Variants in FBXL17 observed in about 807,000 individuals in gnomAD.
FBXL17 encodes the protein F-box/LRR-repeat protein 17.
In FBXL17, 22 loss-of-function variants were observed where a neutral mutation model predicts 66.2. The observed-to-expected ratio is 0.33, with a 90% confidence interval of 0.24 to 0.47. The LOEUF (loss-of-function observed/expected upper bound fraction) is 0.47, where lower values mean the gene tolerates loss of function less well. FBXL17 is among the 20% of genes least tolerant of loss of function. The pLI, the probability that FBXL17 is intolerant of heterozygous loss-of-function variation, is 1.00. For missense variants in FBXL17, 878 were observed against 948.2 expected, an observed-to-expected ratio of 0.93 and a Z score of 0.97; for synonymous variants, 474 against 400.5, an observed-to-expected ratio of 1.18 and a Z score of -2.19.
intron 7 of FBXL17, among the ~76,000 whole-genome samples, chr5:108,009,300 TAC>T (rs1165360330): frequency 0.017 from 1,068 of 63,170 alleles, 191 homozygotes; most frequent in Non-Finnish European, 0.022. Flanking sequence ...TATATATATA[TAC>T]ATATATACAT....
At chr5:107,996,318 T>C (rs1753468894) in intron 7 of FBXL17, among the ~76,000 whole-genome samples, 1 of 152,144 alleles carries the variant, frequency 6.6e-6, no homozygotes, top group Non-Finnish European at 1.5e-5. Flanking sequence ...CTATTTTTTG[T>C]TTGTTTGTTT....
Position 108,364,021 on chromosome 5 carries a change from A to C in FBXL17, c.1374+717T>G, listed in dbSNP as rs561364316. Among the ~76,000 whole-genome samples, 9 of 152,170 alleles carry C rather than the reference A, an allele frequency of 5.9e-5. No homozygotes were observed. In the South Asian group the frequency reaches 1.9e-3, roughly 32 times the overall value. On this transcript the variant is annotated intron_variant, in intron 3 of 8. Coordinates refer to ENST00000542267, the MANE Select transcript of FBXL17 (RefSeq NM_001163315.3). ...TTTTGCACAATATGCCTTTGCAAAC[A>C]AAATAGGCTCCCTTATAAGTTGGTA...
intron 4 of FBXL17, among the ~76,000 whole-genome samples, chr5:108,276,405 T>C (rs548974546): frequency 6.6e-6 from 1 of 152,306 alleles, no homozygotes; most frequent in East Asian, 1.9e-4. Flanking sequence ...CTAAATTGCC[T>C]GTCAATAAAG....
chr5:108,025,697 A>G (rs916694175), intron 6 of FBXL17, among the ~76,000 whole-genome samples: 1 of 128,206 alleles, frequency 7.8e-6, no homozygotes, highest in African/African-American at 3.9e-5. Flanking sequence ...ACACACACAC[A>G]CACACAAACA....
In FBXL17 at chr5:108,381,442, G is replaced by C; in HGVS notation, c.250C>G (p.Pro84Ala). The C allele has an allele frequency of 3.0e-6, 4 of 1,316,008 alleles. No homozygotes were observed. Among genetic ancestry groups the C allele is most frequent in the Non-Finnish European group, 3.8e-6 (4 of 1,040,314 alleles). The allele number at this position is 1,316,008 out of a possible 1,614,324, so 81.5% of individuals were successfully genotyped here. A position where few individuals can be genotyped will look rare whatever the true frequency, so the allele number is the denominator to read the frequency against. ...AGPEEEPPLSPPPRDGAYAAA... is the reference protein window; with the variant it reads ...AGPEEEPPLSAPPRDGAYAAA... The stretch of plus-strand genomic sequence containing the variant: ...GCGTAGGCCCCGTCCCGCGGCGGCG[G>C]CGAGAGCGGCGGCTCCTCCTCTGGG... Residue 84 changes from proline (P) to alanine (A), a missense_variant, in exon 1 of 9, where the codon CCG (proline) becomes GCG (alanine). Pro to Ala is a conservative substitution (Grantham distance 27). Coordinates refer to ENST00000542267, the MANE Select transcript of FBXL17 (RefSeq NM_001163315.3).
chr5:108,124,285 A>G (rs1750613376), intron 6 of FBXL17, among the ~76,000 whole-genome samples: 2 of 152,040 alleles, frequency 1.3e-5, no homozygotes, highest in South Asian at 4.1e-4. Flanking sequence ...GATATGAAAT[A>G]TGTTAAAAAA....
intron 4 of FBXL17, among the ~76,000 whole-genome samples, chr5:108,296,280 G>C (rs986687993): frequency 6.6e-6 from 1 of 151,632 alleles, no homozygotes; most frequent in Admixed American, 6.6e-5. Context: ...GGAGTCAAGG[G>C]GAATCAGGAT....
At chr5:108,013,230 T>C (rs996593634) in intron 7 of FBXL17, among the ~76,000 whole-genome samples, 1 of 152,150 alleles carries the variant, frequency 6.6e-6, no homozygotes, top group African/African-American at 2.4e-5. Context: ...TAATATATGT[T>C]AATGGAAGTT....
At chr5:108,321,373 T>C (rs1021300621) in intron 4 of FBXL17, among the ~76,000 whole-genome samples, 1 of 151,854 alleles carries the variant, frequency 6.6e-6, no homozygotes, top group Non-Finnish European at 1.5e-5. Flanking sequence ...AACGACTTCT[T>C]TCCAAGTACT....
At chr5:108,016,968 G>A (rs1363010505) in intron 7 of FBXL17, among the ~76,000 whole-genome samples, 5 of 151,878 alleles carry the variant, frequency 3.3e-5, no homozygotes, top group Non-Finnish European at 5.9e-5. Flanking sequence ...TAGTAGAGAC[G>A]GGGTTTTACC....
At chr5:108,287,536 T>C (rs1160745461) in intron 4 of FBXL17, among the ~76,000 whole-genome samples, 1 of 151,690 alleles carries the variant, frequency 6.6e-6, no homozygotes, top group Non-Finnish European at 1.5e-5. Flanking sequence ...CACTAATCAT[T>C]AGAGAATGCA....
chr5:107,905,243 T>A (rs1052460738), intron 7 of FBXL17, among the ~76,000 whole-genome samples: 2 of 151,690 alleles, frequency 1.3e-5, no homozygotes, highest in Non-Finnish European at 2.9e-5. Context: ...AAACAGTTTG[T>A]AACTAATCAT....
At chr5:108,083,262 T>G (rs992226923) in intron 6 of FBXL17, among the ~76,000 whole-genome samples, 20 of 112,246 alleles carry the variant, frequency 1.8e-4, no homozygotes, top group East Asian at 1.7e-3. Context: ...GAGAGAGAGA[T>G]AGACAGATAT....
intron 4 of FBXL17, among the ~76,000 whole-genome samples, chr5:108,289,598 T>G (rs1443343986): frequency 6.6e-6 from 1 of 152,092 alleles, no homozygotes; most frequent in African/African-American, 2.4e-5. Context: ...GTGTCTATGC[T>G]CAAAGAGCTT....
chr5:108,341,209 AAAGT>A (rs1423636011), intron 4 of FBXL17, among the ~76,000 whole-genome samples: 1 of 152,156 alleles, frequency 6.6e-6, no homozygotes, highest in African/African-American at 2.4e-5. Context: ...CTCAAAAATA[AAAGT>A]AAACATGCAA....
At chr5:108,255,727 A>C (rs181038571) in intron 4 of FBXL17, among the ~76,000 whole-genome samples, 6 of 152,288 alleles carry the variant, frequency 3.9e-5, no homozygotes, top group Non-Finnish European at 5.9e-5. Context: ...TATTATATAT[A>C]GCCTTTCAGT....
chr5:107,872,788 C>G lies in FBXL17; in HGVS notation c.1965+8249G>C, dbSNP rs567799754. ...ACTACACAGATTAATTCACTCAACT[C>G]TCTCAATGTGAGACAGATGCTATTA... On this transcript the variant is annotated intron_variant, in intron 8 of 8. Coordinates refer to ENST00000542267, the MANE Select transcript of FBXL17 (RefSeq NM_001163315.3). Among the ~76,000 whole-genome samples the G allele has an allele frequency of 7.9e-5, 12 of 152,336 alleles. No individual in the cohort carries two copies. The South Asian group carries it at 2.5e-3, about 32-fold the overall frequency.
At chr5:108,370,826 T>C (rs1207861535) in intron 1 of FBXL17, among the ~76,000 whole-genome samples, 1 of 152,114 alleles carries the variant, frequency 6.6e-6, no homozygotes, top group Non-Finnish European at 1.5e-5. Context: ...ACTACAGCCT[T>C]TTACTTGCAG....
At chr5:108,371,610 C>G (rs1158771175) in intron 1 of FBXL17, among the ~76,000 whole-genome samples, 2 of 151,998 alleles carry the variant, frequency 1.3e-5, no homozygotes, top group East Asian at 3.9e-4. Flanking sequence ...GACAATAAAT[C>G]AACAATTTAA....
Sources: gnomAD v4.1 joint callset for allele counts (sites outside exome capture counted in the v4.1 genomes callset) on GRCh38, gnomAD v4.1.1 for gene constraint, MANE v1.5 for transcripts, NCBI Gene and HGNC (gene_info 2026-07-23, HGNC 2026-07-21) for gene names.